The following KLHL5 variants were observed in gnomAD, a reference collection of about 807,000 sequenced individuals.
The protein encoded by KLHL5 is kelch-like protein 5.
In KLHL5, 48 loss-of-function variants were observed where a neutral mutation model predicts 77.7. The observed-to-expected ratio is 0.62, with a 90% CI of 0.49 to 0.79. The LOEUF (loss-of-function observed/expected upper bound fraction) is 0.79. Ranked by LOEUF, KLHL5 falls within the 30% of genes least tolerant of loss-of-function variation. The pLI, the probability that KLHL5 is intolerant of heterozygous loss-of-function variation, is 0.00. For missense variants in KLHL5, 723 were observed against 859.7 expected (o/e 0.84, Z 1.99); for synonymous variants, 260 against 297.0 (o/e 0.88, Z 1.28).
intron 1 of KLHL5, among the ~76,000 whole-genome samples, chr4:39,072,874 C>T (rs28627681): frequency 0.029 from 4,345 of 152,184 alleles, 181 homozygotes; most frequent in African/African-American, 0.098. Flanking sequence ...TCTCGTGTGC[C>T]ATTGCACAGG....
At position 39,123,610 on chromosome 4, in the gene KLHL5, C is replaced by G. The variant is rs762959318; in HGVS notation, c.*2544C>G. ...TATTAATAGAATGAAGGGGAAAAAA[C>G]AGCATGATCACCTCAATTGATAAGA... is the stretch of plus-strand genomic sequence containing the variant. On this transcript the variant is annotated 3_prime_UTR_variant, in exon 11 of 11. Transcript: ENST00000504108. Among the ~76,000 whole-genome samples, 1 of 152,114 alleles carries G rather than the reference C, an allele frequency of 6.6e-6. No homozygotes were observed. Among genetic ancestry groups the G allele is most frequent in the Admixed American group, 6.5e-5 (1 of 15,276 alleles).
rs1023198385 is a variant in KLHL5, at chr4:39,122,599, A to G, written c.*1533A>G. Among the ~76,000 whole-genome samples the G allele has an allele frequency of 3.9e-5, 6 of 152,034 alleles. No individual in the cohort carries two copies. The highest frequency in any genetic ancestry group is 7.4e-5 in the Non-Finnish European group (5 of 68,014). ...GGTGGGCGGATCACGAGGTCAGGAG[A>G]TGGAGACCATCCTGGCTAACACAGT... On this transcript the variant is annotated 3_prime_UTR_variant, in exon 11 of 11. Transcript: ENST00000504108.
chr4:39,141,469 A>C, the KLHL5 span, among the ~76,000 whole-genome samples: 10 of 151,826 alleles, frequency 6.6e-5, no homozygotes, highest in East Asian at 1.9e-4. Flanking sequence ...CCACCACGCC[A>C]GGCTAATAAT....
At chr4:39,110,729 A>G (rs1023944961) in intron 8 of KLHL5, among the ~76,000 whole-genome samples, 2 of 152,160 alleles carry the variant, frequency 1.3e-5, no homozygotes, top group South Asian at 4.1e-4. Flanking sequence ...TGGCCTCCCA[A>G]TGTGCTGGGA....
rs71643268 is a variant in KLHL5, at chr4:39,124,802, C to CAAAAAAAAAAAAAAAA, written c.*3745_*3760dup. On this transcript the variant is annotated 3_prime_UTR_variant, in exon 11 of 11. Transcript: ENST00000504108. ...GCACCAAAAGCACAAGCAACAACAGCAAAAAAAAAAAAAAAAAAAAAAAAT... is the reference window on the plus strand; with the variant it reads ...GCACCAAAAGCACAAGCAACAACAGCAAAAAAAAAAAAAAAAAAAAAAAAAAAAAAAAAAAAAAAAT... 1.7e-3 allele frequency among the ~76,000 whole-genome samples: 77 copies of CAAAAAAAAAAAAAAAA among 44,082 alleles called. 2 individuals are homozygous for CAAAAAAAAAAAAAAAA. The highest frequency in any genetic ancestry group is 2.7e-3 in the African/African-American group (37 of 13,548). 28.9% of individuals were successfully genotyped at this position (44,082 alleles called of 152,430 possible).
chr4:39,126,563 G>T (rs767714065), downstream of KLHL5: 5 of 361,300 alleles, frequency 1.4e-5, no homozygotes, highest in Non-Finnish European at 1.1e-5. Flanking sequence ...GGGCTAACGA[G>T]GTATAATCTA....
intron 1 of KLHL5, among the ~76,000 whole-genome samples, chr4:39,045,980 C>G (rs932164586): frequency 2.0e-5 from 3 of 150,984 alleles, no homozygotes; most frequent in Non-Finnish European, 4.4e-5. Flanking sequence ...TGTTAGGAAA[C>G]AGTTTAATAA....
the KLHL5 span, among the ~76,000 whole-genome samples, chr4:39,138,657 G>A: frequency 0.47 from 71,797 of 151,922 alleles, 19,153 homozygotes; most frequent in Non-Finnish European, 0.59. Flanking sequence ...ATGGGTACTA[G>A]GCTTAATACC....
intron 1 of KLHL5, among the ~76,000 whole-genome samples, chr4:39,046,619 T>C (rs997193650): frequency 6.6e-6 from 1 of 152,168 alleles, no homozygotes; most frequent in African/African-American, 2.4e-5. Context: ...TTCATTTTGT[T>C]TCTAATTCCA....
intron 2 of KLHL5, among the ~76,000 whole-genome samples, chr4:39,076,525 C>CT (rs1719059543): frequency 6.6e-6 from 1 of 151,806 alleles, no homozygotes; most frequent in African/African-American, 2.4e-5. Context: ...AGCAAAAACT[C>CT]TTAAGAGTTT....
At chr4:39,091,842 GT>G (rs372831946) in intron 5 of KLHL5, among the ~76,000 whole-genome samples, 18 of 52,442 alleles carry the variant, frequency 3.4e-4, no homozygotes, top group South Asian at 1.7e-3. Flanking sequence ...CATCTGACTA[GT>G]TTTTTTTTTT....
At chr4:39,087,954 C>T (rs1474658975) in intron 5 of KLHL5, among the ~76,000 whole-genome samples, 1 of 152,098 alleles carries the variant, frequency 6.6e-6, no homozygotes, top group Non-Finnish European at 1.5e-5. Context: ...CCTTCCTCTT[C>T]AGAAATAGAA....
chr4:39,085,601 T>C (rs1165652490), intron 4 of KLHL5, among the ~76,000 whole-genome samples: 1 of 152,176 alleles, frequency 6.6e-6, no homozygotes, highest in Admixed American at 6.5e-5. Flanking sequence ...AATCAGATGG[T>C]ATGTTTTCCT....
intron 5 of KLHL5, among the ~76,000 whole-genome samples, chr4:39,094,778 G>A (rs1282405484): frequency 6.6e-6 from 1 of 151,952 alleles, no homozygotes; most frequent in Admixed American, 6.6e-5. Context: ...TTTAATAAGT[G>A]GTACAGAACT....
rs770009899 is a variant in KLHL5 at position 39,049,710 on chromosome 4, TAAA to T, written c.-95+4618_-95+4620del. Among the ~76,000 whole-genome samples, 1,002 of 144,542 alleles carry T rather than the reference TAAA, an allele frequency of 6.9e-3. 6 individuals are homozygous for T. The highest frequency in any genetic ancestry group is 0.012 in the African/African-American group (449 of 37,674). The allele number at this position is 144,542 out of a possible 152,430, so 94.8% of individuals were successfully genotyped here. On this transcript the variant is annotated intron_variant, in intron 1 of 11. Coordinates refer to the KLHL5 transcript ENST00000261425. Reference sequence around the variant, plus strand: ...AGACCTTGTCTCAAAAATAAATAAATAAAAAATAAATAAATAAATAAATAAATG... The same window carrying T: ...AGACCTTGTCTCAAAAATAAATAAATAAATAAATAAATAAATAAATAAATG...
rs929594808 is a variant in KLHL5 at position 39,113,106 on chromosome 4, G to A, written c.1775G>A (p.Cys592Tyr). 5.0e-6 allele frequency: 8 copies of A among 1,613,866 alleles called. No homozygotes were observed. Among genetic ancestry groups the A allele is most frequent in the Non-Finnish European group, 6.8e-6 (8 of 1,179,910 alleles). Residue 592 changes from cysteine (C) to tyrosine (Y), a missense_variant, in exon 9 of 11, where the codon TGT (cysteine) becomes TAT (tyrosine). Around this residue, in one of 3 missense-constraint regions of KLHL5, gnomAD observed 214 missense variants for 237.4 expected, o/e 0.90. Transcript: ENST00000504108. ...FDPHTNKWTLCAQMSKRRGGV... is the reference protein window; with the variant it reads ...FDPHTNKWTLYAQMSKRRGGV... Reference sequence around the variant, plus strand: ...CCTCATACTAATAAGTGGACACTGTGTGCACAGATGTCAAAAAGGAGAGGT... The same window carrying A: ...CCTCATACTAATAAGTGGACACTGTATGCACAGATGTCAAAAAGGAGAGGT...
chr4:39,067,519 C>T (rs909203918), intron 1 of KLHL5, among the ~76,000 whole-genome samples: 9 of 151,796 alleles, frequency 5.9e-5, no homozygotes, highest in African/African-American at 2.2e-4. Context: ...TGCCTATATA[C>T]TTGTGACTAA....
chr4:39,046,279 G>A (rs983975483), intron 1 of KLHL5, among the ~76,000 whole-genome samples: 1 of 151,984 alleles, frequency 6.6e-6, no homozygotes, highest in Non-Finnish European at 1.5e-5. Context: ...AGTACCATAG[G>A]ATAAAACAAA....
rs13109200 is a variant in KLHL5 at position 39,124,396 on chromosome 4, A to T, written c.*3330A>T. 6.6e-6 allele frequency among the ~76,000 whole-genome samples: 1 copy of T among 151,872 alleles called. No individual in the cohort carries two copies. The highest frequency in any genetic ancestry group is 1.5e-5 in the Non-Finnish European group (1 of 67,944). ...GAACAAGAATAAAGTTGAAGGACTC[A>T]CATTTTCCAATTTCAAAATTTACTG... On this transcript the variant is annotated 3_prime_UTR_variant, in exon 11 of 11. Transcript: ENST00000504108.
Sources: gnomAD v4.1 joint callset for allele counts (sites outside exome capture counted in the v4.1 genomes callset) on GRCh38, gnomAD v4.1.1 for gene constraint, gnomAD v4.1.1 regional missense constraint, MANE v1.5 for transcripts, NCBI Gene and HGNC (gene_info 2026-07-23, HGNC 2026-07-21) for gene names.